EEA1: variants seen among roughly 807,000 people sequenced by gnomAD.
EEA1 encodes early endosome antigen 1, 162kD.
In EEA1, 111 loss-of-function variants were observed where a neutral mutation model predicts 209.2. The observed-to-expected ratio is 0.53, with a 90% CI of 0.45 to 0.62. The LOEUF is 0.62. Ranked by LOEUF, EEA1 falls within the 20% of genes least tolerant of loss-of-function variation. The pLI is 0.00. For synonymous variants in EEA1, 536 were observed against 540.6 expected (o/e 0.99, Z 0.12); for missense variants, 1,343 against 1,530.8 (o/e 0.88, Z 2.05).
Position 92,809,092 on chromosome 12 carries a change from T to C in EEA1, c.2264A>G (p.Gln755Arg). The C allele has an allele frequency of 6.2e-7, 1 of 1,608,286 alleles. No homozygotes were observed. The highest frequency in any genetic ancestry group is 8.5e-7 in the Non-Finnish European group (1 of 1,176,836). ...TAAATCTGTGTTCAGCTGTCTTTGC[T>C]GTTGTAGATCTTGCAAAGCCTGCTC... is the stretch of plus-strand genomic sequence containing the variant. The part of the protein sequence containing the change: ...SKEQALQDLQ[Q>R]QRQLNTDLEL... The change falls in exon 18 of 29, where the codon CAG (glutamine) becomes CGG (arginine). Residue 755 changes from glutamine (Q) to arginine (R), a missense_variant. Transcript: ENST00000322349.
intron 13 of EEA1, among the ~76,000 whole-genome samples, chr12:92,821,468 C>G (rs1352864164): frequency 6.6e-6 from 1 of 152,148 alleles, no homozygotes; most frequent in African/African-American, 2.4e-5. Flanking sequence ...TTTCCAAAAG[C>G]CACTCCCAAA....
chr12:92,857,161 T>G, intron 5 of EEA1, 114 bp downstream of exon 5: 1 of 681,484 alleles, frequency 1.5e-6, no homozygotes, highest in Non-Finnish European at 2.4e-6. Flanking sequence ...AGAAACAAAT[T>G]AGGAAGTTAT....
chr12:92,852,072 T>G (rs1182243331), intron 8 of EEA1, 103 bp downstream of exon 8: 13 of 929,116 alleles, frequency 1.4e-5, no homozygotes, highest in Non-Finnish European at 1.8e-5. Flanking sequence ...ATTTCCTGAT[T>G]TCACTCAAAT....
chr12:92,853,801 T>G (rs1877742676), intron 6 of EEA1, 114 bp downstream of exon 6: 4 of 838,638 alleles, frequency 4.8e-6, no homozygotes, highest in Middle Eastern at 2.8e-4. Flanking sequence ...TGTTTTAGAG[T>G]CATAAAGCAT....
chr12:92,876,596 T>C (rs1276004086), intron 2 of EEA1, among the ~76,000 whole-genome samples: 3 of 152,074 alleles, frequency 2.0e-5, no homozygotes, highest in African/African-American at 7.2e-5. Context: ...ACTCTAGAAC[T>C]ATGAGAAATA....
chr12:92,828,118 A>C, intron 11 of EEA1, 57 bp from the exon 12 acceptor site: 1 of 1,275,476 alleles, frequency 7.8e-7, no homozygotes, highest in Non-Finnish European at 1.0e-6. Context: ...ACACAGCACC[A>C]CCTACTTTCC....
intron 18 of EEA1, among the ~76,000 whole-genome samples, chr12:92,807,405 T>C (rs1379979612): frequency 2.0e-5 from 3 of 152,158 alleles, no homozygotes; most frequent in Non-Finnish European, 4.4e-5. Context: ...TATTTGCCAA[T>C]ACTGTTTACA....
chr12:92,827,548 A>C (rs1394675622), intron 12 of EEA1, among the ~76,000 whole-genome samples: 2 of 152,308 alleles, frequency 1.3e-5, no homozygotes, highest in East Asian at 3.8e-4. Context: ...GGAAACTCAA[A>C]GTTTATATAT....
intron 1 of EEA1, among the ~76,000 whole-genome samples, chr12:92,908,328 G>A (rs1030849590): frequency 1.3e-5 from 2 of 152,136 alleles, no homozygotes; most frequent in Non-Finnish European, 2.9e-5. Flanking sequence ...TCAGGGGAGG[G>A]GAGGAATGAA....
chr12:92,914,547 T>C (rs772822688), intron 1 of EEA1, among the ~76,000 whole-genome samples: 1 of 152,110 alleles, frequency 6.6e-6, no homozygotes, highest in Non-Finnish European at 1.5e-5. Flanking sequence ...GCATTGAGGC[T>C]GGGTACACTG....
intron 2 of EEA1, among the ~76,000 whole-genome samples, chr12:92,870,235 T>C (rs1053084756): frequency 6.6e-6 from 1 of 152,248 alleles, no homozygotes; most frequent in Non-Finnish European, 1.5e-5. Flanking sequence ...CTTTCTTATA[T>C]ACATAATTAC....
At chr12:92,850,516 C>T (rs942811408) in intron 9 of EEA1, among the ~76,000 whole-genome samples, 1 of 151,602 alleles carries the variant, frequency 6.6e-6, no homozygotes, top group Non-Finnish European at 1.5e-5. Context: ...ATGGTGAAGC[C>T]CCATCTCTAC....
intron 1 of EEA1, among the ~76,000 whole-genome samples, chr12:92,907,644 T>C (rs1434189331): frequency 6.6e-6 from 1 of 152,208 alleles, no homozygotes; most frequent in Non-Finnish European, 1.5e-5. Flanking sequence ...CATTTGTAGT[T>C]GTTTACTAAG....
At position 92,905,540 on chromosome 12, in the gene EEA1, A is replaced by AGGTTG. The variant is rs541190259; in HGVS notation, c.25-13824_25-13820dup. ...AGAATCGCTTGAACCCGGGAGACCG[A>AGGTTG]GGTTGCAGTGAGCCGACATCACGCC... On this transcript the variant is annotated intron_variant, in intron 1 of 28. Coordinates refer to ENST00000322349, the MANE Select transcript of EEA1 (RefSeq NM_003566.4). 2.1e-3 allele frequency: 324 copies of AGGTTG among 152,138 alleles called. 1 individual carries two copies. Among genetic ancestry groups the AGGTTG allele is most frequent in the African/African-American group, 7.5e-3 (313 of 41,482 alleles). 9.4% of individuals were successfully genotyped at this position (152,138 alleles called of 1,614,324 possible).
At chr12:92,839,252 T>C (rs1487787012) in intron 10 of EEA1, among the ~76,000 whole-genome samples, 1 of 152,148 alleles carries the variant, frequency 6.6e-6, no homozygotes, top group African/African-American at 2.4e-5. Context: ...CATGATCTTA[T>C]AAAATCACGC....
chr12:92,888,594 AC>A (rs201435447), intron 2 of EEA1, among the ~76,000 whole-genome samples: 12,975 of 145,262 alleles, frequency 0.089, 705 homozygotes, highest in South Asian at 0.19. Flanking sequence ...AAACAAACAA[AC>A]AAAAAAAAAA....
chr12:92,813,109 C>T lies in EEA1; in HGVS notation c.1930-16G>A. The T allele has an allele frequency of 4.1e-6, 6 of 1,457,722 alleles. No individual in the cohort carries two copies. The highest frequency in any genetic ancestry group is 5.6e-6 in the Non-Finnish European group (6 of 1,065,144). 90.3% of individuals were successfully genotyped at this position (1,457,722 alleles called of 1,614,324 possible). A position where few individuals can be genotyped will look rare whatever the true frequency, so the allele number is the denominator to read the frequency against. The stretch of plus-strand genomic sequence containing the variant: ...TGGCTTTAATCTGTAACAGCATTTA[C>T]AAATTATTTAATTTATATTTAGTTC... On this transcript the variant is annotated splice_polypyrimidine_tract_variant and intron_variant, in intron 15 of 28. Coordinates refer to ENST00000322349, the MANE Select transcript of EEA1 (RefSeq NM_003566.4).
chr12:92,929,234 G>T lies in EEA1; in HGVS notation c.-168C>A. The T allele has an allele frequency of 1.7e-6, 1 of 574,982 alleles. No homozygotes were observed. Among genetic ancestry groups the T allele is most frequent in the South Asian group, 2.5e-5 (1 of 40,708 alleles). The allele number at this position is 574,982 out of a possible 1,614,324, so 35.6% of individuals were successfully genotyped here. ...TCGGGCGGCCCCGACTTCCCCACAG[G>T]CGGCGAGAGGGAGCACGCGAGAGAG... On this transcript the variant is annotated 5_prime_UTR_variant, in exon 1 of 29. Coordinates refer to ENST00000322349, the MANE Select transcript of EEA1 (RefSeq NM_003566.4).
At chr12:92,916,489 C>T (rs1455695329) in intron 1 of EEA1, among the ~76,000 whole-genome samples, 1 of 150,120 alleles carries the variant, frequency 6.7e-6, no homozygotes, top group Non-Finnish European at 1.5e-5. Flanking sequence ...CCCGTCTCTA[C>T]TAAAAATACA....
Sources: allele counts gnomAD v4.1 joint callset (sites outside exome capture counted in the v4.1 genomes callset), GRCh38; gene constraint gnomAD v4.1.1; transcripts MANE v1.5; gene names NCBI Gene and HGNC (gene_info 2026-07-23, HGNC 2026-07-21).